NRCAM: variants seen among roughly 807,000 people sequenced by gnomAD.
The protein encoded by NRCAM is neuronal cell adhesion molecule, also known as NgCAM-related cell adhesion molecule.
In NRCAM, 83 loss-of-function variants were observed where a neutral mutation model predicts 156.5. The observed-to-expected ratio is 0.53, with a 90% CI of 0.44 to 0.64. The LOEUF (loss-of-function observed/expected upper bound fraction) is 0.64, where lower values mean the gene tolerates loss of function less well. Ranked by LOEUF, NRCAM falls within the 30% of genes least tolerant of loss-of-function variation. The pLI is 0.00. For synonymous variants in NRCAM, 538 were observed against 563.9 expected (o/e 0.95, Z 0.65); for missense variants, 1,417 against 1,597.3 (o/e 0.89, Z 1.92).
intron 2 of NRCAM, among the ~76,000 whole-genome samples, chr7:108,365,027 C>T (rs1279340424): frequency 6.6e-6 from 1 of 152,084 alleles, no homozygotes; most frequent in African/African-American, 2.4e-5. Context: ...GACAGCCAGC[C>T]CCTACATTAC....
chr7:108,280,293 C>T (rs1293777856), intron 3 of NRCAM, among the ~76,000 whole-genome samples: 1 of 152,120 alleles, frequency 6.6e-6, no homozygotes, highest in African/African-American at 2.4e-5. Flanking sequence ...CTGCAATAAA[C>T]AGGAAGAGGC....
At chr7:108,405,174 A>T (rs2099803765) in intron 1 of NRCAM, among the ~76,000 whole-genome samples, 1 of 152,230 alleles carries the variant, frequency 6.6e-6, no homozygotes, top group Non-Finnish European at 1.5e-5. Flanking sequence ...GACTGTTGGC[A>T]TTCATGACCT....
At position 108,340,156 on chromosome 7, in the gene NRCAM, T is replaced by C. The variant is rs558565456; in HGVS notation, c.-173-27425A>G. On this transcript the variant is annotated intron_variant, in intron 2 of 32. Transcript: ENST00000379028. ...CCTACCCCGGCATCCCCCTGACTCC[T>C]TCTCCAACTAATAAGCAACCCCCTT... Among the ~76,000 whole-genome samples the C allele has an allele frequency of 3.9e-4, 60 of 152,152 alleles. 1 individual carries two copies. Among genetic ancestry groups the C allele is most frequent in the Middle Eastern group, 3.4e-3 (1 of 294 alleles).
intron 1 of NRCAM, among the ~76,000 whole-genome samples, chr7:108,444,574 T>C (rs1054591781): frequency 2.0e-5 from 3 of 152,176 alleles, no homozygotes; most frequent in African/African-American, 4.8e-5. Flanking sequence ...AGAGAGAATC[T>C]GTTCCATGCA....
chr7:108,177,420 A>G (rs562763001), intron 26 of NRCAM, among the ~76,000 whole-genome samples: 59 of 152,108 alleles, frequency 3.9e-4, no homozygotes, highest in South Asian at 1.0e-3. Flanking sequence ...TCAGGAGATC[A>G]AGACCATCCT....
At chr7:108,330,816 G>A (rs2154246965) in intron 2 of NRCAM, among the ~76,000 whole-genome samples, 1 of 152,152 alleles carries the variant, frequency 6.6e-6, no homozygotes, top group East Asian at 1.9e-4. Context: ...TTTATCATCT[G>A]GTTTAACACA....
chr7:108,381,291 C>T (rs2099699883), intron 2 of NRCAM, among the ~76,000 whole-genome samples: 2 of 152,186 alleles, frequency 1.3e-5, no homozygotes, highest in South Asian at 2.1e-4. Context: ...CTTTTAAACT[C>T]AAGGGAAGAA....
At chr7:108,211,422 A>C (rs1419906592) in intron 11 of NRCAM, among the ~76,000 whole-genome samples, 1 of 152,156 alleles carries the variant, frequency 6.6e-6, no homozygotes. Flanking sequence ...CAGCATGCAG[A>C]CTCCATAGGC....
chr7:108,388,614 T>C (rs2099749213), intron 2 of NRCAM, among the ~76,000 whole-genome samples: 1 of 152,236 alleles, frequency 6.6e-6, no homozygotes, highest in Non-Finnish European at 1.5e-5. Flanking sequence ...TTTTGGTGTT[T>C]TAGACTTGAA....
In NRCAM at chr7:108,409,164, C is replaced by T. The variant is rs550006350; in HGVS notation, c.-331-9571G>A. ...AATTTGAGGTTAGGTAGGATCAACG[C>T]GTGCAGAGCATTAAGAGAAATGTAA... On this transcript the variant is annotated intron_variant, in intron 1 of 32. Coordinates refer to ENST00000379028, the MANE Select transcript of NRCAM (RefSeq NM_001037132.4). 3.9e-5 allele frequency among the ~76,000 whole-genome samples: 6 copies of T among 152,238 alleles called. No homozygotes were observed. The South Asian group carries it at 8.3e-4, about 21-fold the overall frequency.
chr7:108,371,054 T>G (rs2099625375), intron 2 of NRCAM, among the ~76,000 whole-genome samples: 1 of 152,074 alleles, frequency 6.6e-6, no homozygotes, highest in Non-Finnish European at 1.5e-5. Context: ...ACCTGCTAGC[T>G]CCTATAAAAA....
At chr7:108,195,974 G>T in intron 14 of NRCAM, 102 bp from the exon 15 acceptor site, 1 of 763,078 alleles carries the variant, frequency 1.3e-6, no homozygotes, top group South Asian at 1.6e-5. Context: ...TTATGGTAAA[G>T]CACAAGCAAT....
At chr7:108,325,406 G>GA (rs1293733082) in intron 2 of NRCAM, among the ~76,000 whole-genome samples, 12 of 152,094 alleles carry the variant, frequency 7.9e-5, no homozygotes. Flanking sequence ...AACTCATTAG[G>GA]AAAAAACCTA....
chr7:108,413,809 T>A (rs1183399311), intron 1 of NRCAM, among the ~76,000 whole-genome samples: 1 of 152,200 alleles, frequency 6.6e-6, no homozygotes, highest in African/African-American at 2.4e-5. Flanking sequence ...TTTCCCAGGT[T>A]TGCCTGCCCC....
intron 11 of NRCAM, among the ~76,000 whole-genome samples, chr7:108,220,210 A>T (rs1213439690): frequency 6.6e-6 from 1 of 152,166 alleles, no homozygotes; most frequent in Non-Finnish European, 1.5e-5. Flanking sequence ...AGACGACACA[A>T]ATGAAAACAC....
intron 3 of NRCAM, among the ~76,000 whole-genome samples, chr7:108,299,114 A>AGAAAGAAAGAAAGAAAGAAAGAAAG (rs1554479869): frequency 3.9e-5 from 1 of 25,530 alleles, no homozygotes; most frequent in South Asian, 3.1e-3. Context: ...TCAAAAAAAA[A>AGAAAGAAAGAAAGAAAGAAAGAAAG]AAAGAAAGAA....
intron 3 of NRCAM, among the ~76,000 whole-genome samples, chr7:108,255,962 G>GGGGCAGCT (rs2096630273): frequency 6.6e-6 from 1 of 151,482 alleles, no homozygotes; most frequent in Non-Finnish European, 1.5e-5. Context: ...AGGGAGGTGG[G>GGGGCAGCT]GGGCAGCCCC....
At chr7:108,171,043 G>A (rs1331236298) in intron 28 of NRCAM, among the ~76,000 whole-genome samples, 1 of 152,072 alleles carries the variant, frequency 6.6e-6, no homozygotes, top group Non-Finnish European at 1.5e-5. Context: ...ATTTCCTAAG[G>A]CATGCTGTTT....
At chr7:108,310,777 C>T (rs1219762418) in intron 3 of NRCAM, among the ~76,000 whole-genome samples, 2 of 152,016 alleles carry the variant, frequency 1.3e-5, no homozygotes, top group Non-Finnish European at 2.9e-5. Flanking sequence ...CAACCATTCA[C>T]GAAACCAAAA....
Sources: allele counts gnomAD v4.1 joint callset (sites outside exome capture counted in the v4.1 genomes callset), GRCh38; gene constraint gnomAD v4.1.1; transcripts MANE v1.5; gene names NCBI Gene and HGNC (gene_info 2026-07-23, HGNC 2026-07-21).